NEK10: variants seen among roughly 807,000 people sequenced by gnomAD.
NEK10 encodes NIMA related kinase 10.
NEK10 carries 122 observed loss-of-function variants against 159.8 expected under a neutral mutation model. The ratio of observed to expected loss-of-function variants is 0.76; its 90% CI spans 0.66 to 0.89. The LOEUF (loss-of-function observed/expected upper bound fraction) is 0.89. Ranked by LOEUF, NEK10 falls within the 40% of genes least tolerant of loss-of-function variation. The pLI is 0.00. For missense variants in NEK10, 1,342 were observed against 1,323.1 expected (o/e 1.01, Z -0.22); for synonymous variants, 466 against 457.1 (o/e 1.02, Z -0.25).
chr3:27,314,023 A>T (rs983642252), intron 7 of NEK10, among the ~76,000 whole-genome samples: 5 of 152,010 alleles, frequency 3.3e-5, no homozygotes, highest in Admixed American at 6.6e-5. Context: ...CCTATTTCTT[A>T]TTATTACTAG....
intron 14 of NEK10, among the ~76,000 whole-genome samples, chr3:27,295,902 T>C (rs2043319946): frequency 6.6e-6 from 1 of 152,178 alleles, no homozygotes; most frequent in African/African-American, 2.4e-5. Flanking sequence ...AAATTTCAAC[T>C]GTCTGTGGAG....
Position 27,186,558 on chromosome 3 carries a change from C to A in NEK10, c.2505+5471G>T, listed in dbSNP as rs182649958. Among the ~76,000 whole-genome samples the A allele has an allele frequency of 2.0e-5, 3 of 152,080 alleles. No homozygotes were observed. The South Asian group carries it at 6.2e-4, about 32-fold the overall frequency. Reference sequence around the variant, plus strand: ...GAGTTGGGCTGTTGATGGAGATACACGGAGAGTTTGAGGGGGAAACTGGGG... The same window carrying A: ...GAGTTGGGCTGTTGATGGAGATACAAGGAGAGTTTGAGGGGGAAACTGGGG... On this transcript the variant is annotated intron_variant, in intron 26 of 35. Coordinates refer to ENST00000691995, the MANE Select transcript of NEK10 (RefSeq NM_001394966.1).
chr3:27,314,227 C>T, intron 7 of NEK10, 70 bp downstream of exon 7: 1 of 1,082,478 alleles, frequency 9.2e-7, no homozygotes, highest in Non-Finnish European at 1.4e-6. Flanking sequence ...TGTCACATAC[C>T]CTTTTAATTC....
chr3:27,160,410 C>T (rs1488442186), intron 30 of NEK10, among the ~76,000 whole-genome samples: 1 of 152,168 alleles, frequency 6.6e-6, no homozygotes, highest in Non-Finnish European at 1.5e-5. Flanking sequence ...TCCAAATTGA[C>T]TTGCAACACT....
At chr3:27,342,427 A>G (rs1025336091) in intron 5 of NEK10, among the ~76,000 whole-genome samples, 1 of 152,202 alleles carries the variant, frequency 6.6e-6, no homozygotes, top group Non-Finnish European at 1.5e-5. Context: ...TTAGAATAGA[A>G]CTGAACATAA....
intron 5 of NEK10, among the ~76,000 whole-genome samples, chr3:27,342,400 T>A (rs943442929): frequency 9.9e-5 from 15 of 152,194 alleles, no homozygotes; most frequent in African/African-American, 3.6e-4. Context: ...ATTTAAGCCA[T>A]CTTTTACCCA....
Position 27,174,630 on chromosome 3 carries a change from C to A in NEK10, c.2689+20G>T. 6.2e-7 allele frequency: 1 copy of A among 1,602,782 alleles called. No homozygotes were observed. Among genetic ancestry groups the A allele is most frequent in the Non-Finnish European group, 8.5e-7 (1 of 1,174,640 alleles). ...CTGCCACTAGCAGTACCTACGTTGA[C>A]ACACTGCCACTAGCAGTACCTTTCT... On this transcript the variant is annotated intron_variant, in intron 27 of 35. Coordinates refer to ENST00000691995, the MANE Select transcript of NEK10 (RefSeq NM_001394966.1).
chr3:27,120,614 G>A (rs980642830), intron 32 of NEK10, among the ~76,000 whole-genome samples: 1 of 152,030 alleles, frequency 6.6e-6, no homozygotes. Context: ...ACAGGCATAA[G>A]CCACCGCGCC....
intron 30 of NEK10, among the ~76,000 whole-genome samples, chr3:27,147,031 C>T (rs143761805): frequency 7.9e-5 from 12 of 152,288 alleles, no homozygotes; most frequent in East Asian, 3.9e-4. Context: ...GGTGATCTCA[C>T]GGGAAGAGGA....
intron 22 of NEK10, chr3:27,278,628 T>C (rs1415676908): frequency 1.2e-6 from 1 of 830,774 alleles, no homozygotes; most frequent in Non-Finnish European, 1.5e-6. Context: ...CTGTGTCATG[T>C]ACTAAAGTCC....
intron 32 of NEK10, among the ~76,000 whole-genome samples, chr3:27,123,667 C>T (rs1396972705): frequency 6.6e-6 from 1 of 151,908 alleles, no homozygotes; most frequent in East Asian, 1.9e-4. Context: ...TGTAAAATTG[C>T]AACTGTTCTA....
At chr3:27,256,421 T>C (rs759048786) in intron 22 of NEK10, 50 bp from the exon 23 acceptor site, 1 of 1,148,476 alleles carries the variant, frequency 8.7e-7, no homozygotes, top group South Asian at 1.6e-5. Flanking sequence ...CCCAGAGTTA[T>C]CATTGTTCCT....
chr3:27,224,329 G>C (rs1390014490), intron 23 of NEK10, among the ~76,000 whole-genome samples: 1 of 152,210 alleles, frequency 6.6e-6, no homozygotes, highest in Admixed American at 6.5e-5. Flanking sequence ...AGTCTGGTGA[G>C]AGCTGTAGCA....
Position 27,301,745 on chromosome 3 carries a change from T to C in NEK10, c.1119A>G (p.Glu373=). 6.3e-7 allele frequency: 1 copy of C among 1,577,342 alleles called. No individual in the cohort carries two copies. The highest frequency in any genetic ancestry group is 8.6e-7 in the Non-Finnish European group (1 of 1,159,268). Residue 373 remains glutamate, a synonymous_variant, in exon 13 of 36, where the codon GAA becomes GAG. Transcript: ENST00000691995. The part of the protein sequence containing the change: ...AGRIQQLHLS[E]DLSPREIQEN... ...CTTGTATTTCCCTAGGGCTCAAGTCTTCTGATAAATGAAGCTGCTGGATTC... is the reference window on the plus strand; with the variant it reads ...CTTGTATTTCCCTAGGGCTCAAGTCCTCTGATAAATGAAGCTGCTGGATTC...
rs1244166043 is a variant in NEK10, at chr3:27,202,628, GC to G, written c.2091-72del. On this transcript the variant is annotated intron_variant, in intron 23 of 35. Coordinates refer to ENST00000691995, the MANE Select transcript of NEK10 (RefSeq NM_001394966.1). ...CCGCTCAGAAAGATCCAATTTTCAA[GC>G]TTTATTGGAGTTATTTTTTAAGTAT... The G allele has an allele frequency of 3.6e-6, 5 of 1,387,452 alleles. No homozygotes were observed. In the African/African-American group the frequency reaches 5.9e-5, roughly 16 times the overall value. The allele number at this position is 1,387,452 out of a possible 1,614,324, so 85.9% of individuals were successfully genotyped here.
At chr3:27,143,617 ATACTTTTGAT>A in intron 30 of NEK10, 1 of 486,024 alleles carries the variant, frequency 2.1e-6, no homozygotes, top group Non-Finnish European at 3.6e-6. Context: ...ACTTCTGGAA[ATACTTTTGAT>A]TACTTAGTTA....
intron 6 of NEK10, among the ~76,000 whole-genome samples, chr3:27,320,253 A>C (rs1434973722): frequency 2.6e-5 from 4 of 152,170 alleles, no homozygotes; most frequent in African/African-American, 9.7e-5. Context: ...AACCCTGTTC[A>C]ATCCACCCAG....
In NEK10 at chr3:27,310,968, G is replaced by A. The variant is rs2044646943; in HGVS notation, c.617C>T (p.Thr206Ile). ...AAVKDQREWV[T>I]TSGAHKTLVN... ...ACTCACCTTGTGGGCTCCACTTGTG[G>A]TGACCCATTCTCTTTGATCTTTGAC... The change falls in exon 9 of 36, where the codon ACC becomes ATC. Residue 206 changes from threonine to isoleucine, a missense_variant. By Grantham distance (89) the Thr-to-Ile change is moderately conservative. Transcript: ENST00000691995. The A allele has an allele frequency of 2.5e-6, 4 of 1,610,894 alleles. No individual in the cohort carries two copies. In the South Asian group the frequency reaches 4.4e-5, roughly 18 times the overall value.
chr3:27,308,149 C>G (rs2044387440), intron 10 of NEK10, among the ~76,000 whole-genome samples: 1 of 152,150 alleles, frequency 6.6e-6, no homozygotes, highest in African/African-American at 2.4e-5. Flanking sequence ...AAGCAAGGCA[C>G]CTTCTTCACA....
Sources: allele counts gnomAD v4.1 joint callset (sites outside exome capture counted in the v4.1 genomes callset), GRCh38; gene constraint gnomAD v4.1.1; transcripts MANE v1.5; gene names NCBI Gene and HGNC (gene_info 2026-07-23, HGNC 2026-07-21).